FSD2: variants seen among roughly 807,000 people sequenced by gnomAD.
The protein encoded by FSD2 is fibronectin type III and SPRY domain containing 2.
A neutral mutation model predicts 80.4 loss-of-function variants in FSD2; 71 were observed. The observed-to-expected ratio is 0.88, with a 90% CI of 0.73 to 1.08. The LOEUF is 1.08. Among genes scored for constraint, FSD2 ranks in the 50% least tolerant of loss-of-function variants. The pLI, the probability that FSD2 is intolerant of heterozygous loss-of-function variation, is 0.00. For missense variants in FSD2, 923 were observed against 913.8 expected (o/e 1.01, Z -0.13); for synonymous variants, 361 against 329.5 (o/e 1.10, Z -1.03).
intron 4 of FSD2, among the ~76,000 whole-genome samples, chr15:82,782,332 A>G (rs970040292): frequency 2.0e-5 from 3 of 151,950 alleles, no homozygotes; most frequent in South Asian, 2.1e-4. Flanking sequence ...CCCAGGAGGC[A>G]GAGCTGGCGG....
At chr15:82,774,368 G>A (rs1010959979) in intron 6 of FSD2, among the ~76,000 whole-genome samples, 8 of 152,178 alleles carry the variant, frequency 5.3e-5, no homozygotes, top group Non-Finnish European at 7.4e-5. Context: ...GAGCCAGCAC[G>A]TCTGGCCAAC....
Position 82,762,175 on chromosome 15 carries a change from C to G in FSD2, c.1924G>C (p.Asp642His). 1 of 1,613,532 alleles carries G rather than the reference C, an allele frequency of 6.2e-7. No individual in the cohort carries two copies. The highest frequency in any genetic ancestry group is 1.3e-5 in the African/African-American group (1 of 75,054). ...LDYRVGVAFA[D>H]VRKQEDLGAN... ...CCCAGATCCTCCTGTTTACGGACAT[C>G]TGCAAAGGCCACACCAACTCTGTAG... The change falls in exon 12 of 13, where the codon GAT becomes CAT. Residue 642 changes from aspartate to histidine, a missense_variant. Coordinates refer to ENST00000334574, the MANE Select transcript of FSD2 (RefSeq NM_001007122.4).
At chr15:82,782,551 GGAGA>G (rs1249352306) in intron 4 of FSD2, among the ~76,000 whole-genome samples, 3 of 152,206 alleles carry the variant, frequency 2.0e-5, no homozygotes, top group Admixed American at 2.0e-4. Flanking sequence ...GCTGGGGGAG[GGAGA>G]GAGTCTGCGC....
chr15:82,795,677 A>G (rs1181629892), intron 1 of FSD2, among the ~76,000 whole-genome samples: 1 of 151,918 alleles, frequency 6.6e-6, no homozygotes, highest in Non-Finnish European at 1.5e-5. Flanking sequence ...CAAAAATACA[A>G]AAAAATTAGC....
In FSD2 at chr15:82,782,946, T is replaced by TC; in HGVS notation, c.814dup (p.Glu272GlyfsTer58). 6.2e-7 allele frequency: 1 copy of TC among 1,613,958 alleles called. No individual in the cohort carries two copies. On this transcript the variant is annotated frameshift_variant, in exon 4 of 13. Coordinates refer to ENST00000334574, the MANE Select transcript of FSD2 (RefSeq NM_001007122.4). LOFTEE classifies it high-confidence loss of function. ...TTTCTCCCCTAGAGCTTGTATTTTT[T>TC]CCTCATATTTTTGAGCAAGTGTTTC...
At chr15:82,784,491 G>A (rs2049950938) in intron 3 of FSD2, among the ~76,000 whole-genome samples, 1 of 151,992 alleles carries the variant, frequency 6.6e-6, no homozygotes, top group South Asian at 2.1e-4. Context: ...CAAGTGATCT[G>A]CCACCTTGGC....
Position 82,755,800 on chromosome 15 carries a change from T to A in FSD2, c.*3548A>T, listed in dbSNP as rs879237156. On this transcript the variant is annotated 3_prime_UTR_variant, in exon 13 of 13. Transcript: ENST00000334574. ...TTTCCAAATAACTTTTCTCTTGCAT[T>A]TAGATTAATTAACCATTGGTTACAG... 1.9e-4 allele frequency: 45 copies of A among 237,456 alleles called. No homozygotes were observed. The South Asian group carries it at 2.2e-3, about 12-fold the overall frequency. 14.7% of individuals were successfully genotyped at this position (237,456 alleles called of 1,614,324 possible).
chr15:82,759,165 A>G lies in FSD2; in HGVS notation c.*183T>C, dbSNP rs1029701407. On this transcript the variant is annotated 3_prime_UTR_variant, in exon 13 of 13. Coordinates refer to ENST00000334574, the MANE Select transcript of FSD2 (RefSeq NM_001007122.4). ...ATGACTATCCTAGCAGCACACAGGT[A>G]GCAGCACACAGGACTAGAATCCAGG... 1.6e-6 allele frequency: 1 copy of G among 624,502 alleles called. No homozygotes were observed. The highest frequency in any genetic ancestry group is 1.8e-5 in the African/African-American group (1 of 54,428). 38.7% of individuals were successfully genotyped at this position (624,502 alleles called of 1,614,324 possible). A position where few individuals can be genotyped will look rare whatever the true frequency, so the allele number is the denominator to read the frequency against.
At chr15:82,786,390 G>A (rs2049997470) in intron 3 of FSD2, 121 bp downstream of exon 3, 2 of 730,078 alleles carry the variant, frequency 2.7e-6, no homozygotes, top group African/African-American at 1.8e-5. Flanking sequence ...AGAGAAGGGG[G>A]AGTGGTGACC....
At chr15:82,772,040 A>T (rs1425549318) in intron 7 of FSD2, 33 bp downstream of exon 7, 4 of 1,519,122 alleles carry the variant, frequency 2.6e-6, no homozygotes, top group Non-Finnish European at 2.6e-6. Flanking sequence ...AACTGTTCCC[A>T]TGAGCACGGG....
Position 82,805,403 on chromosome 15 carries a change from A to G in FSD2, c.-79+563T>C, listed in dbSNP as rs570611207. Among the ~76,000 whole-genome samples the G allele has an allele frequency of 1.2e-4, 18 of 152,294 alleles. No individual in the cohort carries two copies. In the East Asian group the frequency reaches 3.1e-3, roughly 26 times the overall value. On this transcript the variant is annotated intron_variant, in intron 1 of 12. Transcript: ENST00000334574. Reference sequence around the variant, plus strand: ...TTCCTGAGCCACAGCAGTGAAAGAAAGCTTGCCTTAAAGTGTTACAGTGAT... The same window carrying G: ...TTCCTGAGCCACAGCAGTGAAAGAAGGCTTGCCTTAAAGTGTTACAGTGAT...
At chr15:82,798,883 T>TTG (rs1460206329) in intron 1 of FSD2, among the ~76,000 whole-genome samples, 5 of 148,806 alleles carry the variant, frequency 3.4e-5, no homozygotes, top group African/African-American at 1.2e-4. Flanking sequence ...GTTTTGTTTT[T>TTG]TTTTTTTTTT....
At chr15:82,778,084 A>G (rs1412997639) in intron 6 of FSD2, among the ~76,000 whole-genome samples, 1 of 143,592 alleles carries the variant, frequency 7.0e-6, no homozygotes. Flanking sequence ...CAGCCTGGGC[A>G]ACATAGCAAT....
intron 6 of FSD2, among the ~76,000 whole-genome samples, chr15:82,778,549 G>A (rs1482207604): frequency 2.0e-5 from 3 of 152,102 alleles, no homozygotes; most frequent in South Asian, 2.1e-4. Flanking sequence ...AAGGGGAAAC[G>A]GGGAATTGTT....
chr15:82,795,322 G>T (rs1017805615), intron 1 of FSD2, among the ~76,000 whole-genome samples: 4 of 152,018 alleles, frequency 2.6e-5, no homozygotes, highest in African/African-American at 7.2e-5. Context: ...CTCAAGCTAT[G>T]ATTTTTTTTT....
intron 5 of FSD2, 43 bp downstream of exon 5, chr15:82,780,201 GA>G: frequency 7.1e-7 from 1 of 1,414,256 alleles, no homozygotes; most frequent in Non-Finnish European, 9.5e-7. Flanking sequence ...AACTAAAGTT[GA>G]AAAAAGTAAA....
rs1485079054 is a variant in FSD2, at chr15:82,756,627, G to A, written c.*2721C>T. 6.6e-6 allele frequency: 1 copy of A among 152,090 alleles called. No individual in the cohort carries two copies. Among genetic ancestry groups the A allele is most frequent in the Non-Finnish European group, 1.5e-5 (1 of 68,026 alleles). The allele number at this position is 152,090 out of a possible 1,614,324, so 9.4% of individuals were successfully genotyped here. On this transcript the variant is annotated 3_prime_UTR_variant, in exon 13 of 13. Coordinates refer to ENST00000334574, the MANE Select transcript of FSD2 (RefSeq NM_001007122.4). ...CAACTTTCCAATTCTGACTTGTAAG[G>A]GTGCCTTAAATCCTGAATACTGTAC...
intron 9 of FSD2, among the ~76,000 whole-genome samples, chr15:82,767,040 GC>G (rs1174497137): frequency 6.6e-6 from 1 of 152,164 alleles, no homozygotes; most frequent in Non-Finnish European, 1.5e-5. Flanking sequence ...GCAGCTCTGG[GC>G]CAGAGGGGCA....
At position 82,757,029 on chromosome 15, in the gene FSD2, G is replaced by T. The variant is rs1233968741; in HGVS notation, c.*2319C>A. On this transcript the variant is annotated 3_prime_UTR_variant, in exon 13 of 13. Coordinates refer to ENST00000334574, the MANE Select transcript of FSD2 (RefSeq NM_001007122.4). ...TTTTTTACAAAAATACAAAAGTTTT[G>T]CTTGGTTCTGTTCTAGATGTTTTCT... is the stretch of plus-strand genomic sequence containing the variant. The T allele has an allele frequency of 2.0e-5, 3 of 152,064 alleles. No individual in the cohort carries two copies. Among genetic ancestry groups the T allele is most frequent in the Non-Finnish European group, 2.9e-5 (2 of 68,014 alleles). The allele number at this position is 152,064 out of a possible 1,614,324, so 9.4% of individuals were successfully genotyped here.
Sources: allele counts gnomAD v4.1 joint callset (sites outside exome capture counted in the v4.1 genomes callset), GRCh38; gene constraint gnomAD v4.1.1; transcripts MANE v1.5; gene names NCBI Gene and HGNC (gene_info 2026-07-23, HGNC 2026-07-21).